The following FMN1 variants were observed in gnomAD, a reference collection of about 807,000 sequenced individuals.
FMN1 encodes formin-1.
A neutral mutation model predicts 132.4 loss-of-function variants in FMN1; 110 were observed. That is an observed-to-expected ratio of 0.83 (90% confidence interval 0.71 to 0.97). The LOEUF (loss-of-function observed/expected upper bound fraction) is 0.97. Ranked by LOEUF, FMN1 falls within the 50% of genes least tolerant of loss-of-function variation. The probability of loss-of-function intolerance (pLI) is 0.00; values close to 1 mark genes in which losing one functional copy is unlikely to be tolerated. For synonymous variants in FMN1, 722 were observed against 651.7 expected (o/e 1.11, Z -1.64); for missense variants, 1,792 against 1,705.3 (o/e 1.05, Z -0.90).
rs546022211 is a variant in FMN1, at chr15:33,121,979, G to C, written c.1867+31069C>G. On this transcript the variant is annotated intron_variant, in intron 4 of 20. Transcript: ENST00000616417. ...TAATTCATTTATTCATTTACCAAAA[G>C]TGTACTGCAAGCAAACAATATGAAG... Among the ~76,000 whole-genome samples, 3 of 152,336 alleles carry C rather than the reference G, an allele frequency of 2.0e-5. No homozygotes were observed. The South Asian group carries it at 6.2e-4, about 32-fold the overall frequency.
intron 7 of FMN1, among the ~76,000 whole-genome samples, chr15:32,987,885 C>G (rs1246802388): frequency 2.6e-5 from 4 of 151,982 alleles, no homozygotes; most frequent in Non-Finnish European, 5.9e-5. Context: ...AATTTAGTTT[C>G]AAAAGATGGT....
In FMN1 at chr15:32,785,064, CG is replaced by C. The variant is rs2056807047; in HGVS notation, c.4131-8146del. ...CTCGTTTCCTTTCTTTCCCATTCAA[CG>C]TATCTGTGTGAACTGTAACAAGACT... is the stretch of plus-strand genomic sequence containing the variant. On this transcript the variant is annotated intron_variant, in intron 19 of 20. Transcript: ENST00000616417. Among the ~76,000 whole-genome samples, 3 of 150,708 alleles carry C rather than the reference CG, an allele frequency of 2.0e-5. No homozygotes were observed. In the South Asian group the frequency reaches 6.3e-4, roughly 32 times the overall value.
At chr15:32,943,263 A>G (rs1176854393) in intron 9 of FMN1, among the ~76,000 whole-genome samples, 1 of 152,226 alleles carries the variant, frequency 6.6e-6, no homozygotes, top group East Asian at 1.9e-4. Flanking sequence ...CTTTCTTGGT[A>G]AGATTGAACA....
chr15:33,009,898 T>G (rs868550843), intron 6 of FMN1, among the ~76,000 whole-genome samples: 83 of 148,036 alleles, frequency 5.6e-4, no homozygotes, highest in African/African-American at 1.8e-3. Flanking sequence ...TTTTTGTTTG[T>G]TTTTTTTGAG....
intron 5 of FMN1, among the ~76,000 whole-genome samples, chr15:33,068,617 A>AAGGG (rs2037858300): frequency 7.2e-6 from 1 of 139,112 alleles, no homozygotes; most frequent in Non-Finnish European, 1.6e-5. Context: ...CAGTTAATTT[A>AAGGG]CTGCCCTTGA....
chr15:33,138,590 C>A (rs1963873438), intron 4 of FMN1, among the ~76,000 whole-genome samples: 1 of 152,160 alleles, frequency 6.6e-6, no homozygotes, highest in East Asian at 1.9e-4. Context: ...ACTAGATAAC[C>A]TGACTCCTCC....
chr15:33,173,315 A>G (rs1965396957), intron 3 of FMN1, among the ~76,000 whole-genome samples: 2 of 152,182 alleles, frequency 1.3e-5, no homozygotes, highest in Middle Eastern at 3.2e-3. Flanking sequence ...AATGAAGAAA[A>G]ACAGTATCTG....
intron 9 of FMN1, among the ~76,000 whole-genome samples, chr15:32,927,377 G>A (rs1287004340): frequency 2.0e-5 from 3 of 152,076 alleles, no homozygotes; most frequent in Non-Finnish European, 4.4e-5. Context: ...GCACCCTCAC[G>A]AGTAGCAAGC....
chr15:33,118,518 C>T (rs1477869089), intron 4 of FMN1, among the ~76,000 whole-genome samples: 2 of 152,080 alleles, frequency 1.3e-5, no homozygotes, highest in African/African-American at 2.4e-5. Flanking sequence ...ATTTATTTTT[C>T]CTAGGTAATT....
chr15:32,859,414 A>G (rs748419116), intron 16 of FMN1, among the ~76,000 whole-genome samples: 1 of 152,156 alleles, frequency 6.6e-6, no homozygotes, highest in Non-Finnish European at 1.5e-5. Flanking sequence ...TTTTCCAGTT[A>G]CATTATTCGG....
chr15:33,182,094 A>T (rs931884876), intron 2 of FMN1, among the ~76,000 whole-genome samples: 5 of 152,182 alleles, frequency 3.3e-5, no homozygotes, highest in Non-Finnish European at 5.9e-5. Flanking sequence ...GAGAGAAGCC[A>T]GTCGGGAGGT....
chr15:32,855,669 G>GA (rs1200519452), intron 17 of FMN1, among the ~76,000 whole-genome samples: 1 of 152,150 alleles, frequency 6.6e-6, no homozygotes, highest in Non-Finnish European at 1.5e-5. Flanking sequence ...TCTAGAAATA[G>GA]AATAGCAATT....
chr15:32,970,537 T>C (rs552723903), intron 7 of FMN1, among the ~76,000 whole-genome samples: 1 of 152,188 alleles, frequency 6.6e-6, no homozygotes, highest in African/African-American at 2.4e-5. Flanking sequence ...TCACTGTCAT[T>C]GTCACTGTCC....
At chr15:33,090,790 G>A (rs2038876124) in intron 4 of FMN1, among the ~76,000 whole-genome samples, 1 of 152,140 alleles carries the variant, frequency 6.6e-6, no homozygotes, top group Non-Finnish European at 1.5e-5. Context: ...CAGGGAGAAG[G>A]CACTCTGCTT....
intron 16 of FMN1, among the ~76,000 whole-genome samples, chr15:32,875,417 A>G (rs759632661): frequency 6.6e-6 from 1 of 152,238 alleles, no homozygotes; most frequent in Admixed American, 6.5e-5. Context: ...AAAATCACCA[A>G]GTGCCACCAC....
chr15:33,077,634 C>A, intron 5 of FMN1, among the ~76,000 whole-genome samples: 1 of 151,652 alleles, frequency 6.6e-6, no homozygotes. Context: ...TTTCTCCTTG[C>A]AACAGTTTGC....
intron 7 of FMN1, among the ~76,000 whole-genome samples, chr15:32,979,831 C>T (rs533939791): frequency 3.3e-5 from 5 of 152,192 alleles, no homozygotes; most frequent in African/African-American, 4.8e-5. Flanking sequence ...GAGCAGAATG[C>T]TACTCCAAGC....
chr15:33,042,292 G>A (rs891351726), intron 6 of FMN1, among the ~76,000 whole-genome samples: 3 of 152,166 alleles, frequency 2.0e-5, no homozygotes, highest in Admixed American at 6.5e-5. Flanking sequence ...TGGATGGGAA[G>A]ACAGCATTAT....
At chr15:32,843,203 C>CCT (rs3080502) in intron 17 of FMN1, among the ~76,000 whole-genome samples, 32,058 of 151,548 alleles carry the variant, frequency 0.21, 3,556 homozygotes, top group East Asian at 0.44. Flanking sequence ...CTAAAGCCAG[C>CCT]CTGTTTATTA....
Sources: allele counts gnomAD v4.1 joint callset (sites outside exome capture counted in the v4.1 genomes callset), GRCh38; gene constraint gnomAD v4.1.1; transcripts MANE v1.5; gene names NCBI Gene and HGNC (gene_info 2026-07-23, HGNC 2026-07-21).